LRP1B: variants seen among roughly 807,000 people sequenced by gnomAD.
LRP1B encodes the protein low-density lipoprotein receptor-related protein 1B.
LRP1B carries 217 observed loss-of-function variants against 556.6 expected under a neutral mutation model. That is an observed-to-expected ratio of 0.39 (90% CI 0.35 to 0.44). The LOEUF (loss-of-function observed/expected upper bound fraction) is 0.44, where lower values mean the gene tolerates loss of function less well. LRP1B is among the 20% of genes least tolerant of loss of function. The probability of loss-of-function intolerance (pLI) is 1.00; values close to 1 mark genes in which losing one functional copy is unlikely to be tolerated. For synonymous variants in LRP1B, 2,047 were observed against 1,865.8 expected (o/e 1.10, Z -2.50); for missense variants, 5,053 against 5,620.8 (o/e 0.90, Z 3.23).
chr2:140,886,336 C>A lies in LRP1B; in HGVS notation c.3767-1G>T, dbSNP rs2105192852. ...AAGATGATGAATGCTTCAAAAGGATCTGAAATTAAATTTATTTTTAATAGG... is the reference window on the plus strand; with the variant it reads ...AAGATGATGAATGCTTCAAAAGGATATGAAATTAAATTTATTTTTAATAGG... On this transcript the variant is annotated splice_acceptor_variant, in intron 23 of 90. Transcript: ENST00000389484. LOFTEE classifies it high-confidence loss of function. 1 of 1,530,406 alleles carries A rather than the reference C, an allele frequency of 6.5e-7. No homozygotes were observed. Among genetic ancestry groups the A allele is most frequent in the East Asian group, 2.3e-5 (1 of 42,776 alleles). 94.8% of individuals were successfully genotyped at this position (1,530,406 alleles called of 1,614,324 possible). A position where few individuals can be genotyped will look rare whatever the true frequency, so the allele number is the denominator to read the frequency against.
intron 2 of LRP1B, among the ~76,000 whole-genome samples, chr2:141,750,473 C>T (rs1358915503): frequency 6.6e-6 from 1 of 152,066 alleles, no homozygotes; most frequent in African/African-American, 2.4e-5. Context: ...GAAAAAAAAG[C>T]TTCTCATCTC....
Position 140,771,126 on chromosome 2 carries a change from TA to T in LRP1B, c.5501-121del, listed in dbSNP as rs2104940105. 1.1e-5 allele frequency: 7 copies of T among 641,038 alleles called. No individual in the cohort carries two copies. In the South Asian group the frequency reaches 1.5e-4, roughly 14 times the overall value. 39.7% of individuals were successfully genotyped at this position (641,038 alleles called of 1,614,324 possible). ...TTGATTTCTAAATGCAGCTGTTTCA[TA>T]CTGGTTAAAGATTACGCTTTATTCT... On this transcript the variant is annotated intron_variant, in intron 33 of 90. Coordinates refer to ENST00000389484, the MANE Select transcript of LRP1B (RefSeq NM_018557.3).
chr2:141,763,452 C>T (rs751610589), intron 2 of LRP1B, among the ~76,000 whole-genome samples: 42 of 152,070 alleles, frequency 2.8e-4, no homozygotes, highest in Admixed American at 5.9e-4. Flanking sequence ...AATGCTCCCC[C>T]GACAGTATAA....
chr2:140,458,732 A>C (rs1687201440), intron 60 of LRP1B, among the ~76,000 whole-genome samples: 1 of 152,086 alleles, frequency 6.6e-6, no homozygotes, highest in Admixed American at 6.5e-5. Flanking sequence ...TCAAAATTTC[A>C]AATACAATTT....
chr2:140,463,235 T>TG (rs1360652175), intron 60 of LRP1B, among the ~76,000 whole-genome samples: 1 of 151,622 alleles, frequency 6.6e-6, no homozygotes, highest in Non-Finnish European at 1.5e-5. Context: ...AGTGGGTGGG[T>TG]GGGAAAATGG....
At chr2:141,437,740 G>C (rs966731685) in intron 3 of LRP1B, among the ~76,000 whole-genome samples, 1 of 151,760 alleles carries the variant, frequency 6.6e-6, no homozygotes, top group African/African-American at 2.4e-5. Flanking sequence ...GCTCAATGTA[G>C]GCTGTCTTTT....
At chr2:142,060,052 G>A (rs930407296) in intron 1 of LRP1B, among the ~76,000 whole-genome samples, 20 of 151,900 alleles carry the variant, frequency 1.3e-4, no homozygotes, top group East Asian at 5.8e-4. Context: ...ATGAAAACTC[G>A]GGAGCTCTTG....
chr2:141,118,796 A>G (rs1023042412), intron 7 of LRP1B, among the ~76,000 whole-genome samples: 4 of 151,872 alleles, frequency 2.6e-5, no homozygotes, highest in African/African-American at 9.6e-5. Context: ...TTGAATTCCT[A>G]TAAAGGAATT....
intron 1 of LRP1B, among the ~76,000 whole-genome samples, chr2:142,126,266 CT>C (rs148163202): frequency 3.0e-4 from 45 of 148,252 alleles, no homozygotes; most frequent in African/African-American, 6.9e-4. Context: ...TTTCATTTCA[CT>C]TTTTTTTTTG....
At chr2:140,556,883 A>G (rs536242136) in intron 43 of LRP1B, among the ~76,000 whole-genome samples, 23 of 152,230 alleles carry the variant, frequency 1.5e-4, no homozygotes, top group African/African-American at 5.5e-4. Flanking sequence ...ATAAATATGG[A>G]AATATTTATC....
chr2:141,671,169 C>G (rs1475672197), intron 2 of LRP1B, among the ~76,000 whole-genome samples: 1 of 152,070 alleles, frequency 6.6e-6, no homozygotes, highest in Non-Finnish European at 1.5e-5. Context: ...GAATCTAGTT[C>G]TTGAATTAAA....
At position 140,851,680 on chromosome 2, in the gene LRP1B, C is replaced by T. The variant is rs1225583775; in HGVS notation, c.4683G>A (p.Lys1561=). 1 of 1,610,324 alleles carries T rather than the reference C, an allele frequency of 6.2e-7. No individual in the cohort carries two copies. Among genetic ancestry groups the T allele is most frequent in the East Asian group, 2.2e-5 (1 of 44,708 alleles). ...SAACACPHLM[K]LSSDKKTCYE... is the part of the protein sequence containing the mutation. Reference sequence around the variant, plus strand: ...AGCAGGTCTTCTTGTCTGAAGAAAGCTTCATCAAGTGGGGGCACGCACAGG... The same window carrying T: ...AGCAGGTCTTCTTGTCTGAAGAAAGTTTCATCAAGTGGGGGCACGCACAGG... Residue 1561 remains lysine (K), a synonymous_variant, in exon 28 of 91, where the codon AAG becomes AAA. Transcript: ENST00000389484.
intron 3 of LRP1B, among the ~76,000 whole-genome samples, chr2:141,389,726 A>C (rs4374316): frequency 0.95 from 145,396 of 152,260 alleles, 69,773 homozygotes; most frequent in East Asian, 1. Flanking sequence ...ATATTTTCAA[A>C]TAATATATCC....
chr2:141,005,620 T>C (rs1328245978), intron 14 of LRP1B, among the ~76,000 whole-genome samples, 163 bp from the exon 15 acceptor site: 3 of 152,074 alleles, frequency 2.0e-5, no homozygotes, highest in Non-Finnish European at 2.9e-5. Flanking sequence ...CAATAATGTT[T>C]GAAAATAGGT....
chr2:141,683,510 G>C (rs2105433601), intron 2 of LRP1B, among the ~76,000 whole-genome samples: 1 of 152,228 alleles, frequency 6.6e-6, no homozygotes, highest in East Asian at 1.9e-4. Context: ...GCAGGAAACA[G>C]CTGAATTGTG....
At chr2:142,028,258 T>C (rs1242996148) in intron 1 of LRP1B, among the ~76,000 whole-genome samples, 1 of 151,842 alleles carries the variant, frequency 6.6e-6, no homozygotes, top group Non-Finnish European at 1.5e-5. Flanking sequence ...ATGCACAGAG[T>C]TGTGTTACTA....
At chr2:140,990,290 A>T (rs1332969912) in intron 16 of LRP1B, among the ~76,000 whole-genome samples, 1 of 152,138 alleles carries the variant, frequency 6.6e-6, no homozygotes, top group African/African-American at 2.4e-5. Flanking sequence ...TTTTTTACCA[A>T]GAACATTTAA....
At chr2:140,434,651 T>A (rs756662619) in intron 66 of LRP1B, among the ~76,000 whole-genome samples, 10 of 152,156 alleles carry the variant, frequency 6.6e-5, no homozygotes, top group Non-Finnish European at 1.5e-4. Flanking sequence ...GGTGGCCTAA[T>A]TATATGAAAA....
At chr2:140,509,818 A>G (rs1025397454) in intron 52 of LRP1B, 110 bp downstream of exon 52, 4 of 1,457,302 alleles carry the variant, frequency 2.7e-6, no homozygotes, top group Non-Finnish European at 1.9e-6. Flanking sequence ...CTATGGGCCC[A>G]GGAACTAGGA....
Sources: gnomAD v4.1 joint callset for allele counts (sites outside exome capture counted in the v4.1 genomes callset) on GRCh38, gnomAD v4.1.1 for gene constraint, MANE v1.5 for transcripts, NCBI Gene and HGNC (gene_info 2026-07-23, HGNC 2026-07-21) for gene names.